The following NCKAP5 variants were observed in gnomAD, a reference collection of about 807,000 sequenced individuals.
The protein encoded by NCKAP5 is nck-associated protein 5.
A neutral mutation model predicts 167.0 loss-of-function variants in NCKAP5; 92 were observed. The observed-to-expected ratio is 0.55, with a 90% CI of 0.47 to 0.66. NCKAP5 has a LOEUF of 0.66. Ranked by LOEUF, NCKAP5 falls within the 30% of genes least tolerant of loss-of-function variation. The pLI, the probability that NCKAP5 is intolerant of heterozygous loss-of-function variation, is 0.00. For missense variants in NCKAP5, 2,378 were observed against 2,315.0 expected (o/e 1.03, Z -0.56); for synonymous variants, 891 against 877.4 (o/e 1.02, Z -0.27).
At chr2:133,373,304 C>G (rs1265628675) in intron 3 of NCKAP5, among the ~76,000 whole-genome samples, 1 of 152,078 alleles carries the variant, frequency 6.6e-6, no homozygotes, top group East Asian at 1.9e-4. Context: ...AGTGATCCAC[C>G]CACCTCGGCC....
chr2:132,761,267 G>C lies in NCKAP5; in HGVS notation c.5128+12549C>G, dbSNP rs551702054. ...ATTTAGCTCCTTAAAACCAGGTTCTGGGTAGGGTGAATGGTGGGGATTTGA... is the reference window on the plus strand; with the variant it reads ...ATTTAGCTCCTTAAAACCAGGTTCTCGGTAGGGTGAATGGTGGGGATTTGA... On this transcript the variant is annotated intron_variant, in intron 16 of 19. Transcript: ENST00000409261. Among the ~76,000 whole-genome samples the C allele has an allele frequency of 1.2e-4, 18 of 151,676 alleles. No homozygotes were observed. In the East Asian group the frequency reaches 3.5e-3, roughly 29 times the overall value.
intron 11 of NCKAP5, among the ~76,000 whole-genome samples, chr2:132,819,420 T>G (rs537717887): frequency 7.9e-5 from 12 of 152,360 alleles, no homozygotes; most frequent in African/African-American, 2.6e-4. Context: ...TTTAGCCCTG[T>G]GGTGAGCTCA....
At chr2:133,228,607 G>A (rs1336526791) in intron 4 of NCKAP5, among the ~76,000 whole-genome samples, 1 of 152,064 alleles carries the variant, frequency 6.6e-6, no homozygotes, top group East Asian at 1.9e-4. Context: ...CACATTCCTA[G>A]AAAAGTTAAC....
intron 8 of NCKAP5, among the ~76,000 whole-genome samples, chr2:132,927,579 T>C (rs994208574): frequency 1.3e-5 from 2 of 152,118 alleles, no homozygotes; most frequent in African/African-American, 4.8e-5. Context: ...AGATCTTTCA[T>C]CTCTTTGGTT....
chr2:132,672,777 C>T lies in NCKAP5; in HGVS notation c.*512G>A. 1 of 213,396 alleles carries T rather than the reference C, an allele frequency of 4.7e-6. No individual in the cohort carries two copies. The highest frequency in any genetic ancestry group is 6.5e-5 in the Admixed American group (1 of 15,366). The allele number at this position is 213,396 out of a possible 1,614,324, so 13.2% of individuals were successfully genotyped here. On this transcript the variant is annotated 3_prime_UTR_variant, in exon 20 of 20. Coordinates refer to ENST00000409261, the MANE Select transcript of NCKAP5 (RefSeq NM_207363.3). Reference sequence around the variant, plus strand: ...TCTGTACAAATATTCAAAAAAAGTGCAAAATTAAGGATTCTGTATCATAGA... The same window carrying T: ...TCTGTACAAATATTCAAAAAAAGTGTAAAATTAAGGATTCTGTATCATAGA...
intron 2 of NCKAP5, among the ~76,000 whole-genome samples, chr2:133,533,483 T>C (rs918701638): frequency 6.6e-6 from 1 of 152,204 alleles, no homozygotes; most frequent in Non-Finnish European, 1.5e-5. Flanking sequence ...TGATAGTTAT[T>C]TTTAAAGTTT....
chr2:133,019,484 T>G (rs7575406), intron 6 of NCKAP5, among the ~76,000 whole-genome samples: 14,793 of 152,190 alleles, frequency 0.097, 788 homozygotes, highest in Middle Eastern at 0.16. Flanking sequence ...GTCTCTCCTG[T>G]CATACTGTTT....
chr2:133,506,038 C>T (rs1682974328), intron 3 of NCKAP5, among the ~76,000 whole-genome samples: 1 of 152,226 alleles, frequency 6.6e-6, no homozygotes, highest in Non-Finnish European at 1.5e-5. Flanking sequence ...AAAGGCCACA[C>T]ATCTACCAAA....
intron 10 of NCKAP5, among the ~76,000 whole-genome samples, chr2:132,861,394 G>A (rs894364840): frequency 1.3e-5 from 2 of 151,990 alleles, no homozygotes; most frequent in African/African-American, 4.8e-5. Context: ...TGCCCTTTTT[G>A]ATGGAATTCA....
intron 5 of NCKAP5, among the ~76,000 whole-genome samples, chr2:133,182,660 C>T (rs1357634009): frequency 6.6e-6 from 1 of 152,066 alleles, no homozygotes; most frequent in Admixed American, 6.5e-5. Flanking sequence ...TAGATTCATA[C>T]ATTGGAAGAG....
intron 3 of NCKAP5, among the ~76,000 whole-genome samples, chr2:133,474,968 G>A (rs1166944458): frequency 6.6e-6 from 1 of 152,086 alleles, no homozygotes; most frequent in East Asian, 1.9e-4. Flanking sequence ...GTGCCACCAA[G>A]CCCAGCTAAT....
intron 6 of NCKAP5, among the ~76,000 whole-genome samples, chr2:133,001,869 A>G (rs1253903281): frequency 1.3e-5 from 2 of 152,324 alleles, no homozygotes; most frequent in South Asian, 2.1e-4. Flanking sequence ...AAAAAACTGC[A>G]CAAAGTTCCA....
chr2:132,995,556 C>T (rs2077570575), intron 6 of NCKAP5, among the ~76,000 whole-genome samples: 1 of 151,654 alleles, frequency 6.6e-6, no homozygotes, highest in Non-Finnish European at 1.5e-5. Context: ...GAGGCTGAGA[C>T]AGGAGAATCG....
At chr2:133,478,041 T>G (rs1211256056) in intron 3 of NCKAP5, among the ~76,000 whole-genome samples, 1 of 152,220 alleles carries the variant, frequency 6.6e-6, no homozygotes, top group African/African-American at 2.4e-5. Context: ...AGCAGTATTT[T>G]TTATAAACAC....
intron 8 of NCKAP5, among the ~76,000 whole-genome samples, chr2:132,915,944 G>A (rs544255831): frequency 1.3e-5 from 2 of 152,104 alleles, no homozygotes; most frequent in East Asian, 3.9e-4. Flanking sequence ...TAGAGCATTG[G>A]TTAAGTGAAT....
chr2:133,545,994 C>T (rs1309868279), intron 2 of NCKAP5, among the ~76,000 whole-genome samples: 1 of 151,982 alleles, frequency 6.6e-6, no homozygotes, highest in Non-Finnish European at 1.5e-5. Flanking sequence ...AAATCTGAGC[C>T]GGAACAAAAT....
At chr2:132,744,401 C>T (rs1274739254) in intron 16 of NCKAP5, among the ~76,000 whole-genome samples, 2 of 151,466 alleles carry the variant, frequency 1.3e-5, no homozygotes, top group African/African-American at 4.8e-5. Flanking sequence ...ACATTTACAA[C>T]TTATACAGTA....
At chr2:133,170,430 A>G (rs2084197400) in intron 5 of NCKAP5, among the ~76,000 whole-genome samples, 1 of 152,176 alleles carries the variant, frequency 6.6e-6, no homozygotes, top group African/African-American at 2.4e-5. Context: ...TATGAGGATA[A>G]TGGTTTGTCA....
chr2:133,165,577 G>A (rs1237615505), intron 5 of NCKAP5, among the ~76,000 whole-genome samples: 1 of 152,132 alleles, frequency 6.6e-6, no homozygotes, highest in African/African-American at 2.4e-5. Flanking sequence ...TCAGATGAAA[G>A]GAACTGCAGA....
Sources: allele counts gnomAD v4.1 joint callset (sites outside exome capture counted in the v4.1 genomes callset), GRCh38; gene constraint gnomAD v4.1.1; transcripts MANE v1.5; gene names NCBI Gene and HGNC (gene_info 2026-07-23, HGNC 2026-07-21).